The following CNRIP1 variants were observed in gnomAD, a reference collection of about 807,000 sequenced individuals.
CNRIP1 encodes the protein CB1 cannabinoid receptor-interacting protein 1.
A neutral mutation model predicts 15.2 loss-of-function variants in CNRIP1; 10 were observed. The ratio of observed to expected loss-of-function variants is 0.66; its 90% confidence interval spans 0.41 to 1.12. The LOEUF is 1.12. Ranked by LOEUF, CNRIP1 falls within the 50% of genes most tolerant of loss-of-function variation. The probability of loss-of-function intolerance (pLI) is 0.00; values close to 1 mark genes in which losing one functional copy is unlikely to be tolerated. For missense variants in CNRIP1, 211 were observed against 214.7 expected, an observed-to-expected ratio of 0.98 and a Z score of 0.11; for synonymous variants, 91 against 83.2, an observed-to-expected ratio of 1.09 and a Z score of -0.51.
At chr2:68,308,060 G>T (rs1201626747) in intron 2 of CNRIP1, among the ~76,000 whole-genome samples, 1 of 152,026 alleles carries the variant, frequency 6.6e-6, no homozygotes, top group Non-Finnish European at 1.5e-5. Context: ...TGGCGTGGTG[G>T]CATGTGGCTG....
downstream of CNRIP1, among the ~76,000 whole-genome samples, chr2:68,292,785 C>A (rs1044944185): frequency 6.6e-6 from 1 of 152,140 alleles, no homozygotes. Context: ...TAGGTACAAG[C>A]ATTTTTTGAT....
chr2:68,293,551 C>A lies in CNRIP1; in HGVS notation c.*311G>T. 1 of 1,055,894 alleles carries A rather than the reference C, an allele frequency of 9.5e-7. No individual in the cohort carries two copies. Among genetic ancestry groups the A allele is most frequent in the South Asian group, 4.0e-5 (1 of 25,018 alleles). 65.4% of individuals were successfully genotyped at this position (1,055,894 alleles called of 1,614,324 possible). ...AGTTAGTCAGTGGAATGGTCAAGAGCAGGACAAGCCTGCCAGGGCCACTGA... is the reference window on the plus strand; with the variant it reads ...AGTTAGTCAGTGGAATGGTCAAGAGAAGGACAAGCCTGCCAGGGCCACTGA... On this transcript the variant is annotated 3_prime_UTR_variant, in exon 3 of 3. Coordinates refer to ENST00000263655, the MANE Select transcript of CNRIP1 (RefSeq NM_015463.3).
At chr2:68,295,709 T>C (rs917234372) in intron 2 of CNRIP1, among the ~76,000 whole-genome samples, 1 of 152,114 alleles carries the variant, frequency 6.6e-6, no homozygotes, top group Non-Finnish European at 1.5e-5. Context: ...ACAGGAAACA[T>C]CTGTGGTTAT....
intron 2 of CNRIP1, among the ~76,000 whole-genome samples, chr2:68,306,090 C>G (rs1396826148): frequency 1.7e-5 from 2 of 117,952 alleles, no homozygotes; most frequent in Non-Finnish European, 3.3e-5. Context: ...CATGCCACTT[C>G]ATTGCAGCCT....
At chr2:68,306,000 C>T (rs1558666233) in intron 2 of CNRIP1, among the ~76,000 whole-genome samples, 4 of 150,858 alleles carry the variant, frequency 2.7e-5, no homozygotes, top group South Asian at 4.2e-4. Context: ...TATGGTGGTG[C>T]GTGCCTCTGG....
chr2:68,294,978 T>G (rs1671295079), intron 2 of CNRIP1, among the ~76,000 whole-genome samples: 1 of 152,206 alleles, frequency 6.6e-6, no homozygotes, highest in African/African-American at 2.4e-5. Context: ...TGGAATACCC[T>G]GGAGGCCACT....
downstream of CNRIP1, among the ~76,000 whole-genome samples, chr2:68,289,568 C>T (rs912751559): frequency 1.3e-5 from 2 of 152,070 alleles, no homozygotes; most frequent in African/African-American, 4.8e-5. Flanking sequence ...GCAACCTCCA[C>T]TTCCAGGGCT....
In CNRIP1 at chr2:68,286,411, A is replaced by G. The variant is rs560346978; in HGVS notation, c.331-1927T>C. ...AGCATAAAAAATAAACTGGGAAAAG[A>G]TCAAGATTCCAACTGGGTTTTGAGT... On this transcript the variant is annotated intron_variant, in intron 2 of 2. Coordinates refer to the CNRIP1 transcript ENST00000409559. 2.0e-5 allele frequency among the ~76,000 whole-genome samples: 3 copies of G among 152,310 alleles called. No individual in the cohort carries two copies. The South Asian group carries it at 6.2e-4, about 32-fold the overall frequency.
At chr2:68,289,717 G>A (rs1028135863), downstream of CNRIP1, among the ~76,000 whole-genome samples, 3 of 152,184 alleles carry the variant, frequency 2.0e-5, no homozygotes, top group Non-Finnish European at 2.9e-5. Flanking sequence ...CTGGGCTCAA[G>A]CGAGCCACCT....
At chr2:68,291,632 G>A (rs188412381), downstream of CNRIP1, among the ~76,000 whole-genome samples, 25 of 152,132 alleles carry the variant, frequency 1.6e-4, no homozygotes, top group Non-Finnish European at 4.4e-5. Flanking sequence ...TGTAATCCCA[G>A]CCCTTTGGGA....
intron 1 of CNRIP1, 37 bp downstream of exon 1, chr2:68,319,185 T>A: frequency 6.6e-7 from 1 of 1,512,318 alleles, no homozygotes; most frequent in East Asian, 2.5e-5. Context: ...CTGTACCCCA[T>A]GGGGGACCCT....
chr2:68,290,662 T>A (rs1286593833), downstream of CNRIP1, among the ~76,000 whole-genome samples: 1 of 152,204 alleles, frequency 6.6e-6, no homozygotes, highest in Non-Finnish European at 1.5e-5. Flanking sequence ...TCACCCCACA[T>A]GTTAGAATTG....
At chr2:68,319,177 G>A in intron 1 of CNRIP1, 45 bp downstream of exon 1, 1 of 1,497,892 alleles carries the variant, frequency 6.7e-7, no homozygotes, top group Non-Finnish European at 8.9e-7. Context: ...TCCTCTGCCT[G>A]TACCCCATGG....
At chr2:68,289,718 C>T (rs541600383), downstream of CNRIP1, among the ~76,000 whole-genome samples, 23 of 152,226 alleles carry the variant, frequency 1.5e-4, no homozygotes, top group African/African-American at 5.5e-4. Flanking sequence ...TGGGCTCAAG[C>T]GAGCCACCTG....
In CNRIP1 at chr2:68,294,005, C is replaced by G. The variant is rs1264024745; in HGVS notation, c.352G>C (p.Glu118Gln). ...TAGAACTTGACTTGCCACACTGTCT[C>G]GAAGGTCCCAATGTCTGTGAACTGA... ...TMPFTDIGTF[E>Q]TVWQVKFYNY... is the part of the protein sequence containing the mutation. Residue 118 changes from glutamate to glutamine, a missense_variant, in exon 3 of 3, where the codon GAG becomes CAG. Transcript: ENST00000263655. The G allele has an allele frequency of 6.2e-7, 1 of 1,613,884 alleles. No individual in the cohort carries two copies. Among genetic ancestry groups the G allele is most frequent in the African/African-American group, 1.3e-5 (1 of 74,988 alleles).
chr2:68,302,938 C>G (rs369647498), intron 2 of CNRIP1, among the ~76,000 whole-genome samples: 62 of 149,872 alleles, frequency 4.1e-4, no homozygotes, highest in African/African-American at 1.5e-3. Context: ...GCTCCGCCCC[C>G]CGGGGTTCAC....
chr2:68,293,817 T>C lies in CNRIP1; in HGVS notation c.*45A>G, dbSNP rs780681376. The C allele has an allele frequency of 1.3e-5, 21 of 1,597,596 alleles. No homozygotes were observed. The highest frequency in any genetic ancestry group is 1.7e-4 in the Middle Eastern group (1 of 5,970). On this transcript the variant is annotated 3_prime_UTR_variant, in exon 3 of 3. Coordinates refer to ENST00000263655, the MANE Select transcript of CNRIP1 (RefSeq NM_015463.3). ...AGGCCTGCGCTGGTTTATCTAAAAG[T>C]AGATTTCTGAAAAGATTGTCCAGTA...
intron 2 of CNRIP1, among the ~76,000 whole-genome samples, chr2:68,306,716 G>A (rs1296639004): frequency 6.6e-6 from 1 of 151,702 alleles, no homozygotes; most frequent in East Asian, 1.9e-4. Flanking sequence ...GGGAAGTGGA[G>A]GTTGCAGTGA....
chr2:68,291,410 TGTG>T (rs146607597), downstream of CNRIP1, among the ~76,000 whole-genome samples: 1,151 of 151,918 alleles, frequency 7.6e-3, 20 homozygotes, highest in African/African-American at 0.026. Context: ...CAGAGAAAGG[TGTG>T]GTGACCATCC....
Sources: gnomAD v4.1 joint callset for allele counts (sites outside exome capture counted in the v4.1 genomes callset) on GRCh38, gnomAD v4.1.1 for gene constraint, MANE v1.5 for transcripts, NCBI Gene and HGNC (gene_info 2026-07-23, HGNC 2026-07-21) for gene names.